RESF1: variants seen among roughly 807,000 people sequenced by gnomAD.
The protein encoded by RESF1 is retroelement silencing factor 1, also known as gonad expressed transcript.
Under a neutral mutation model 134.7 loss-of-function variants are expected in RESF1, and 65 were observed. The ratio of observed to expected loss-of-function variants is 0.48; its 90% CI spans 0.40 to 0.59. The LOEUF (loss-of-function observed/expected upper bound fraction) is 0.59. Among genes scored for constraint, RESF1 ranks in the 20% least tolerant of loss-of-function variants. The pLI is 0.00. For missense variants in RESF1, 2,274 were observed against 2,002.7 expected, an observed-to-expected ratio of 1.14 and a Z score of -2.59; for synonymous variants, 762 against 702.2, an observed-to-expected ratio of 1.09 and a Z score of -1.35.
At chr12:31,991,503 C>T (rs1940091801) in intron 5 of RESF1, among the ~76,000 whole-genome samples, 1 of 152,216 alleles carries the variant, frequency 6.6e-6, no homozygotes, top group Admixed American at 6.5e-5. Context: ...ATGAAATGTA[C>T]AGATAGTCCC....
intron 2 of RESF1, among the ~76,000 whole-genome samples, chr12:31,966,960 C>T (rs997765116): frequency 1.2e-4 from 18 of 152,202 alleles, no homozygotes; most frequent in Admixed American, 1.2e-3. Flanking sequence ...GGCTTAATCA[C>T]AGGCTGACCC....
intron 5 of RESF1, among the ~76,000 whole-genome samples, chr12:31,991,336 C>A (rs1050771808): frequency 1.3e-5 from 2 of 152,182 alleles, no homozygotes; most frequent in African/African-American, 2.4e-5. Context: ...AGAGACCCAT[C>A]TGGGGCTTCA....
chr12:31,978,636 C>G (rs905980997), intron 3 of RESF1, among the ~76,000 whole-genome samples: 20 of 151,520 alleles, frequency 1.3e-4, no homozygotes, highest in African/African-American at 4.6e-4. Flanking sequence ...ACCTCCACCT[C>G]CTGGGTTCAA....
chr12:31,992,317 T>G, intron 5 of RESF1, 61 bp from the exon 6 acceptor site: 1 of 1,387,186 alleles, frequency 7.2e-7, no homozygotes, highest in Non-Finnish European at 1.0e-6. Flanking sequence ...TGAATTTTGA[T>G]TATATATTGA....
rs964457867 is a variant in RESF1, at chr12:31,985,705, A to C, written c.4750A>C (p.Arg1584=). 1 of 1,607,894 alleles carries C rather than the reference A, an allele frequency of 6.2e-7. No homozygotes were observed. ...GGATCAAAAGAAATTATATCTGAAT[A>C]GAGTTGGGTTTAAATGCACTGAACG... ...VKDQKKLYLN[R]VGFKCTERES... is the part of the protein sequence containing the mutation. The change falls in exon 4 of 6, where the codon AGA becomes CGA. Residue 1584 remains arginine, a synonymous_variant. Transcript: ENST00000312561.
rs1419301117 is a variant in RESF1 at position 31,985,031 on chromosome 12, C to T, written c.4076C>T (p.Pro1359Leu). 4.4e-6 allele frequency: 7 copies of T among 1,585,792 alleles called. No individual in the cohort carries two copies. Among genetic ancestry groups the T allele is most frequent in the African/African-American group, 2.7e-5 (2 of 72,894 alleles). ...AGTTCTTTGGGACAGTCATTATCAC[C>T]AGAAAAGATAAAATTGAAACTCAAA... is the stretch of plus-strand genomic sequence containing the variant. The part of the protein sequence containing the change: ...KHSSLGQSLS[P>L]EKIKLKLKSV... Residue 1359 changes from proline (P) to leucine (L), a missense_variant, in exon 4 of 6, where the codon CCA becomes CTA. Transcript: ENST00000312561.
chr12:31,984,553 G>T lies in RESF1; in HGVS notation c.3598G>T (p.Glu1200Ter). Residue 1200 changes from glutamate to a stop codon, truncating the protein, a stop_gained, in exon 4 of 6, where the codon GAA (glutamate) becomes TAA (stop). Coordinates refer to ENST00000312561, the MANE Select transcript of RESF1 (RefSeq NM_018169.4). LOFTEE classifies it high-confidence loss of function. ...CNSIKNSSSEEEKQKEQCSPL... is the reference protein window; with the variant it reads ...CNSIKNSSSE ...TTCCATCAAGAACTCATCTTCAGAG[G>T]AAGAGAAACAAAAAGAGCAGTGTTC... The T allele has an allele frequency of 6.3e-7, 1 of 1,586,538 alleles. No individual in the cohort carries two copies. Among genetic ancestry groups the T allele is most frequent in the South Asian group, 1.2e-5 (1 of 86,944 alleles).
chr12:31,964,222 C>CAG (rs34855781), intron 2 of RESF1, among the ~76,000 whole-genome samples: 82,109 of 151,334 alleles, frequency 0.54, 22,401 homozygotes, highest in Middle Eastern at 0.59. Flanking sequence ...GTTTGTGGAA[C>CAG]ATTATTTAAT....
rs1939792744 is a variant in RESF1, at chr12:31,981,563, C to G, written c.608C>G (p.Ser203Cys). The G allele has an allele frequency of 1.9e-6, 3 of 1,614,024 alleles. No homozygotes were observed. The highest frequency in any genetic ancestry group is 1.7e-5 in the Admixed American group (1 of 59,990). Reference protein sequence around the residue: ...QQVDWTQQCISKGLTYPDYRP... With the variant: ...QQVDWTQQCICKGLTYPDYRP... ...GTTGATTGGACACAACAGTGTATATCTAAGGGACTGACTTACCCAGATTAC... is the reference window on the plus strand; with the variant it reads ...GTTGATTGGACACAACAGTGTATATGTAAGGGACTGACTTACCCAGATTAC... Residue 203 changes from serine (S) to cysteine (C), a missense_variant, in exon 4 of 6, where the codon TCT (serine) becomes TGT (cysteine). Physicochemically the swap from Ser to Cys is moderately radical, Grantham distance 112. Coordinates refer to ENST00000312561, the MANE Select transcript of RESF1 (RefSeq NM_018169.4).
chr12:31,981,215 A>G lies in RESF1; in HGVS notation c.260A>G (p.His87Arg). 6.2e-7 allele frequency: 1 copy of G among 1,614,138 alleles called. No homozygotes were observed. The highest frequency in any genetic ancestry group is 8.5e-7 in the Non-Finnish European group (1 of 1,180,026). ...CATAATGGGACAGTTGTGGCCTCAC[A>G]CACTTCAGTAGAAAGAATAACATAT... ...DMHNGTVVASHTSVERITYAN... is the reference protein window; with the variant it reads ...DMHNGTVVASRTSVERITYAN... The change falls in exon 4 of 6, where the codon CAC (histidine) becomes CGC (arginine). Residue 87 changes from histidine (H) to arginine (R), a missense_variant. By Grantham distance (29) the His-to-Arg change is conservative (BLOSUM62 0). Transcript: ENST00000312561.
chr12:31,970,816 A>G (rs1288660230), intron 3 of RESF1, among the ~76,000 whole-genome samples: 1 of 152,220 alleles, frequency 6.6e-6, no homozygotes, highest in African/African-American at 2.4e-5. Context: ...TAACCTCAGT[A>G]TTGTATCCTC....
At chr12:31,971,491 T>C (rs112316346) in intron 3 of RESF1, among the ~76,000 whole-genome samples, 17 of 152,344 alleles carry the variant, frequency 1.1e-4, no homozygotes, top group Non-Finnish European at 2.5e-4. Context: ...TTCATCATTT[T>C]ACTTTCAGTC....
Position 31,985,622 on chromosome 12 carries a change from A to G in RESF1, c.4667A>G (p.Asp1556Gly). Residue 1556 changes from aspartate to glycine, a missense_variant, in exon 4 of 6, where the codon GAC becomes GGC. By Grantham distance (94) the Asp-to-Gly change is moderately conservative. Coordinates refer to ENST00000312561, the MANE Select transcript of RESF1 (RefSeq NM_018169.4). Reference sequence around the variant, plus strand: ...ATATGGATTGATAAGACTAAATTAGACAAATTAACCAATATAAGCAACGAA... The same window carrying G: ...ATATGGATTGATAAGACTAAATTAGGCAAATTAACCAATATAAGCAACGAA... ...DKIWIDKTKL[D>G]KLTNISNEAQ... 6.2e-7 allele frequency: 1 copy of G among 1,608,346 alleles called. No individual in the cohort carries two copies. The highest frequency in any genetic ancestry group is 8.5e-7 in the Non-Finnish European group (1 of 1,178,722).
rs772143497 is a variant in RESF1 at position 31,983,433 on chromosome 12, A to T, written c.2478A>T (p.Ala826=). The T allele has an allele frequency of 4.3e-6, 7 of 1,613,968 alleles. No homozygotes were observed. The highest frequency in any genetic ancestry group is 1.7e-5 in the Admixed American group (1 of 60,006). ...TTAGTGGACCAGTAGCAAGTACAGCAACATCAACCAAGATTTTTCCACTAA... is the reference window on the plus strand; with the variant it reads ...TTAGTGGACCAGTAGCAAGTACAGCTACATCAACCAAGATTTTTCCACTAA... ...VDVSGPVAST[A]TSTKIFPLTQ... Residue 826 remains alanine (A), a synonymous_variant, in exon 4 of 6, where the codon GCA becomes GCT. Transcript: ENST00000312561.
At chr12:31,974,026 C>T (rs1006856830) in intron 3 of RESF1, among the ~76,000 whole-genome samples, 2 of 151,934 alleles carry the variant, frequency 1.3e-5, no homozygotes, top group Non-Finnish European at 2.9e-5. Context: ...AGACTCCCTC[C>T]GTGGATTTGA....
chr12:31,985,232 C>G lies in RESF1; in HGVS notation c.4277C>G (p.Ser1426Ter). Residue 1426 changes from serine (S) to a stop codon, truncating the protein, a stop_gained, in exon 4 of 6, where the codon TCA becomes TGA. Coordinates refer to ENST00000312561, the MANE Select transcript of RESF1 (RefSeq NM_018169.4). LOFTEE classifies it high-confidence loss of function. Reference protein sequence around the residue: ...ERAIVKEKMVSNTKSVDTKAS... With the variant: ...ERAIVKEKMV ...GCCATTGTTAAAGAAAAGATGGTAT[C>G]AAATACTAAGTCTGTAGACACGAAA... 6.3e-7 allele frequency: 1 copy of G among 1,595,782 alleles called. No homozygotes were observed.
Position 31,982,718 on chromosome 12 carries a change from T to C in RESF1, c.1763T>C (p.Leu588Pro), listed in dbSNP as rs1939835236. ...GAAAATATGCTACTTCTCGCTTTGCTTTCACAGGCACGTAAGACTCAGAAG... is the reference window on the plus strand; with the variant it reads ...GAAAATATGCTACTTCTCGCTTTGCCTTCACAGGCACGTAAGACTCAGAAG... ...QNENMLLLAL[L>P]SQARKTQKTV... The change falls in exon 4 of 6, where the codon CTT (leucine) becomes CCT (proline). Residue 588 changes from leucine (L) to proline (P), a missense_variant. Transcript: ENST00000312561. 1 of 1,613,834 alleles carries C rather than the reference T, an allele frequency of 6.2e-7. No homozygotes were observed. The highest frequency in any genetic ancestry group is 1.3e-5 in the African/African-American group (1 of 74,940).
rs376535989 is a variant in RESF1 at position 31,985,951 on chromosome 12, C to T, written c.4996C>T (p.Leu1666=). The T allele has an allele frequency of 1.4e-6, 2 of 1,473,564 alleles. No homozygotes were observed. The highest frequency in any genetic ancestry group is 1.4e-5 in the African/African-American group (1 of 69,382). 91.3% of individuals were successfully genotyped at this position (1,473,564 alleles called of 1,614,324 possible). The change falls in exon 4 of 6, where the codon CTG becomes TTG. Residue 1666 remains leucine, a synonymous_variant. Transcript: ENST00000312561. ...TCATCCTAGGAAGGAGCAAGCCCCTCTGCAAGGTCCAGTATGATTTTCTTG... is the reference window on the plus strand; with the variant it reads ...TCATCCTAGGAAGGAGCAAGCCCCTTTGCAAGGTCCAGTATGATTTTCTTG... ...KPHPRKEQAP[L]QVSGIKSTKE...
intron 5 of RESF1, among the ~76,000 whole-genome samples, chr12:31,989,708 C>T (rs1013472079): frequency 6.6e-6 from 1 of 152,078 alleles, no homozygotes; most frequent in Admixed American, 6.6e-5. Flanking sequence ...AAAAATTAGT[C>T]AGGTGTAGTG....
Sources: allele counts gnomAD v4.1 joint callset (sites outside exome capture counted in the v4.1 genomes callset), GRCh38; gene constraint gnomAD v4.1.1; transcripts MANE v1.5; gene names NCBI Gene and HGNC (gene_info 2026-07-23, HGNC 2026-07-21).